EPHB1: variants seen among roughly 807,000 people sequenced by gnomAD.
The protein encoded by EPHB1 is ephrin type-B receptor 1.
In EPHB1, 30 loss-of-function variants were observed where a neutral mutation model predicts 94.4. The ratio of observed to expected loss-of-function variants is 0.32; its 90% CI spans 0.24 to 0.43. EPHB1 has a LOEUF of 0.43. Among genes scored for constraint, EPHB1 ranks in the 20% least tolerant of loss-of-function variants. The probability of loss-of-function intolerance (pLI) is 1.00; values close to 1 mark genes in which losing one functional copy is unlikely to be tolerated. For synonymous variants in EPHB1, 522 were observed against 489.1 expected (o/e 1.07, Z -0.89); for missense variants, 1,055 against 1,308.3 (o/e 0.81, Z 2.99).
chr3:135,129,499 G>C (rs1348642456), intron 4 of EPHB1, among the ~76,000 whole-genome samples: 1 of 152,218 alleles, frequency 6.6e-6, no homozygotes, highest in Non-Finnish European at 1.5e-5. Flanking sequence ...ACGCTGGAGA[G>C]GGGTATATAC....
intron 1 of EPHB1, among the ~76,000 whole-genome samples, chr3:134,844,739 C>A (rs1177969156): frequency 1.3e-5 from 2 of 152,232 alleles, no homozygotes; most frequent in African/African-American, 4.8e-5. Context: ...TACATAAATA[C>A]TTCTCAGATT....
chr3:134,822,609 C>G (rs1247776968), intron 1 of EPHB1, among the ~76,000 whole-genome samples: 1 of 152,120 alleles, frequency 6.6e-6, no homozygotes, highest in Non-Finnish European at 1.5e-5. Context: ...GAGCAAAGAC[C>G]ACTCCAAGCC....
chr3:135,066,021 A>G (rs1219971687), intron 3 of EPHB1, among the ~76,000 whole-genome samples: 1 of 152,248 alleles, frequency 6.6e-6, no homozygotes, highest in Non-Finnish European at 1.5e-5. Context: ...GGCTAAAGAT[A>G]GGGTCCCAGT....
chr3:134,904,431 G>A (rs2038273127), intron 1 of EPHB1, among the ~76,000 whole-genome samples: 1 of 152,172 alleles, frequency 6.6e-6, no homozygotes, highest in Non-Finnish European at 1.5e-5. Context: ...TGGTGGAGGG[G>A]TGCCTGCGAG....
chr3:135,254,544 T>G (rs921902248), intron 15 of EPHB1, among the ~76,000 whole-genome samples: 1 of 151,792 alleles, frequency 6.6e-6, no homozygotes, highest in African/African-American at 2.4e-5. Context: ...TGAACCAGCC[T>G]TGCATCCCAA....
intron 10 of EPHB1, among the ~76,000 whole-genome samples, chr3:135,191,045 A>G (rs1205225296): frequency 6.6e-6 from 1 of 151,944 alleles, no homozygotes; most frequent in Non-Finnish European, 1.5e-5. Context: ...GCTCGAGTAT[A>G]GCATGAGCAA....
intron 4 of EPHB1, among the ~76,000 whole-genome samples, chr3:135,128,266 G>T (rs1940283796): frequency 6.6e-6 from 1 of 152,226 alleles, no homozygotes; most frequent in Non-Finnish European, 1.5e-5. Context: ...CTCCTTCCTG[G>T]AGATGTTGCT....
At chr3:135,154,060 T>C (rs1335485258) in intron 5 of EPHB1, 92 bp from the exon 6 acceptor site, 5 of 1,542,172 alleles carry the variant, frequency 3.2e-6, no homozygotes, top group Non-Finnish European at 2.7e-6. Context: ...TCAAGCCGAA[T>C]GCCATTTTTC....
chr3:135,196,710 C>A (rs1035052994), intron 11 of EPHB1, among the ~76,000 whole-genome samples: 1 of 152,160 alleles, frequency 6.6e-6, no homozygotes, highest in East Asian at 1.9e-4. Context: ...ATTTCTGGAA[C>A]TGTTTCCTCC....
chr3:135,111,782 C>T (rs554309839), intron 4 of EPHB1, among the ~76,000 whole-genome samples: 8 of 152,244 alleles, frequency 5.3e-5, no homozygotes, highest in South Asian at 4.1e-4. Flanking sequence ...CAGGTTCAAG[C>T]GATTCTCCTG....
At chr3:135,033,795 T>A (rs932355539) in intron 3 of EPHB1, among the ~76,000 whole-genome samples, 2 of 152,194 alleles carry the variant, frequency 1.3e-5, no homozygotes, top group African/African-American at 4.8e-5. Flanking sequence ...TTAGCTCTTT[T>A]CGTATTGCAT....
chr3:134,813,214 C>T (rs974802699), intron 1 of EPHB1, among the ~76,000 whole-genome samples: 6 of 152,176 alleles, frequency 3.9e-5, no homozygotes, highest in African/African-American at 1.4e-4. Flanking sequence ...TGCGCCTCAG[C>T]AGGAAGCCAT....
At chr3:134,971,701 G>A (rs548471802) in intron 3 of EPHB1, among the ~76,000 whole-genome samples, 2 of 152,244 alleles carry the variant, frequency 1.3e-5, no homozygotes, top group East Asian at 3.9e-4. Context: ...ATGATGCCCT[G>A]CAGATGCAGC....
chr3:135,077,834 C>T (rs989359052), intron 3 of EPHB1, among the ~76,000 whole-genome samples: 2 of 152,198 alleles, frequency 1.3e-5, no homozygotes, highest in African/African-American at 2.4e-5. Context: ...AGAATCAAGA[C>T]ACACTTTGCT....
Position 135,154,222 on chromosome 3 carries a change from G to A in EPHB1, c.1368G>A (p.Gln456=), listed in dbSNP as rs772670501. ...TMRSITLSWP[Q]PEQPNGIILD... is the part of the protein sequence containing the mutation. ...GGAGCATCACCTTGTCATGGCCACA[G>A]CCGGAGCAGCCCAATGGCATCATCC... Residue 456 remains glutamine (Q), a synonymous_variant, in exon 6 of 16, where the codon CAG becomes CAA. Transcript: ENST00000398015. 1 of 1,614,030 alleles carries A rather than the reference G, an allele frequency of 6.2e-7. No homozygotes were observed. Among genetic ancestry groups the A allele is most frequent in the South Asian group, 1.1e-5 (1 of 91,088 alleles).
chr3:135,238,598 G>A (rs1452719148), intron 12 of EPHB1, among the ~76,000 whole-genome samples: 2 of 152,084 alleles, frequency 1.3e-5, no homozygotes, highest in African/African-American at 4.8e-5. Flanking sequence ...TCCTCTCTCT[G>A]ACACAAACAC....
intron 3 of EPHB1, among the ~76,000 whole-genome samples, chr3:134,976,183 C>T (rs1304357521): frequency 6.6e-6 from 1 of 152,164 alleles, no homozygotes; most frequent in Non-Finnish European, 1.5e-5. Flanking sequence ...ACTGCCGTTC[C>T]CCTACATGAA....
intron 1 of EPHB1, among the ~76,000 whole-genome samples, chr3:134,822,596 G>A (rs2108290445): frequency 6.6e-6 from 1 of 152,172 alleles, no homozygotes; most frequent in East Asian, 1.9e-4. Flanking sequence ...CTGTTCTATT[G>A]GTGAGCAAAG....
At chr3:134,882,806 C>CTTTCTTTCTTTCTTTCT (rs2037780422) in intron 1 of EPHB1, among the ~76,000 whole-genome samples, 3 of 80,928 alleles carry the variant, frequency 3.7e-5, no homozygotes, top group African/African-American at 9.0e-5. Flanking sequence ...TTCTTTCTTT[C>CTTTCTTTCTTTCTTTCT]TTTCTTTCTT....
Sources: gnomAD v4.1 joint callset for allele counts (sites outside exome capture counted in the v4.1 genomes callset) on GRCh38, gnomAD v4.1.1 for gene constraint, MANE v1.5 for transcripts, NCBI Gene and HGNC (gene_info 2026-07-23, HGNC 2026-07-21) for gene names.